RIMS2: variants seen among roughly 807,000 people sequenced by gnomAD.
The protein encoded by RIMS2 is regulating synaptic membrane exocytosis 2, also known as regulating synaptic membrane exocytosis protein 2.
Under a neutral mutation model 174.4 loss-of-function variants are expected in RIMS2, and 59 were observed. The observed-to-expected ratio is 0.34, with a 90% CI of 0.27 to 0.42. The LOEUF (loss-of-function observed/expected upper bound fraction) is 0.42, where lower values mean the gene tolerates loss of function less well. Among genes scored for constraint, RIMS2 ranks in the 10% least tolerant of loss-of-function variants. The pLI is 1.00. For missense variants in RIMS2, 1,620 were observed against 1,666.3 expected (o/e 0.97, Z 0.48); for synonymous variants, 606 against 572.5 (o/e 1.06, Z -0.84).
intron 2 of RIMS2, among the ~76,000 whole-genome samples, chr8:103,707,607 A>T (rs1200423918): frequency 2.0e-5 from 3 of 152,154 alleles, no homozygotes. Flanking sequence ...CCCCAAGTGA[A>T]AGGGGTCCCT....
chr8:103,915,621 A>G, intron 7 of RIMS2, 27 bp downstream of exon 10: 1 of 1,184,610 alleles, frequency 8.4e-7, no homozygotes, highest in South Asian at 1.4e-5. Context: ...GATTATTTAC[A>G]TTTAAACCAT....
intron 19 of RIMS2, among the ~76,000 whole-genome samples, chr8:104,044,904 C>T (rs777603643): frequency 9.9e-5 from 15 of 151,306 alleles, no homozygotes; most frequent in Admixed American, 6.6e-5. Flanking sequence ...ATAATACAGA[C>T]GATAAGAAAA....
intron 2 of RIMS2, among the ~76,000 whole-genome samples, chr8:103,741,193 A>G (rs1030793928): frequency 1.5e-4 from 23 of 152,078 alleles, no homozygotes; most frequent in Non-Finnish European, 5.9e-5. Flanking sequence ...GACAAAAGGG[A>G]CTGGTTTTCT....
intron 1 of RIMS2, among the ~76,000 whole-genome samples, chr8:103,678,949 ACAC>A (rs2096847167): frequency 6.6e-6 from 1 of 152,068 alleles, no homozygotes; most frequent in Non-Finnish European, 1.5e-5. Flanking sequence ...GGAAGACTCA[ACAC>A]TGTGAAGATG....
At chr8:103,739,082 A>T (rs2139250194) in intron 2 of RIMS2, among the ~76,000 whole-genome samples, 1 of 152,344 alleles carries the variant, frequency 6.6e-6, no homozygotes, top group East Asian at 1.9e-4. Context: ...ATGCACACGT[A>T]TGTTTATTGT....
intron 19 of RIMS2, among the ~76,000 whole-genome samples, chr8:104,070,495 C>A (rs1275507176): frequency 3.9e-5 from 6 of 152,076 alleles, no homozygotes; most frequent in African/African-American, 1.4e-4. Context: ...TAGAACATTC[C>A]TAACTATTTG....
intron 2 of RIMS2, among the ~76,000 whole-genome samples, chr8:103,761,455 G>A (rs1011709444): frequency 1.3e-5 from 2 of 152,214 alleles, no homozygotes; most frequent in African/African-American, 4.8e-5. Flanking sequence ...GATCAGCTGA[G>A]TGCTCTCCTC....
intron 2 of RIMS2, among the ~76,000 whole-genome samples, chr8:103,704,708 G>A (rs1026673296): frequency 6.6e-6 from 1 of 152,026 alleles, no homozygotes; most frequent in Admixed American, 6.6e-5. Context: ...TAGGTTGTAT[G>A]TGTCTAGAAA....
intron 1 of RIMS2, among the ~76,000 whole-genome samples, chr8:103,627,571 T>C (rs1018409491): frequency 6.6e-6 from 1 of 152,218 alleles, no homozygotes; most frequent in East Asian, 1.9e-4. Context: ...CATAAGAAAT[T>C]ATAAAAGTAT....
At chr8:104,060,811 C>A (rs1190998550) in intron 19 of RIMS2, among the ~76,000 whole-genome samples, 1 of 152,032 alleles carries the variant, frequency 6.6e-6, no homozygotes, top group Non-Finnish European at 1.5e-5. Context: ...TTATTTCTGC[C>A]TTCATTTAGT....
intron 1 of RIMS2, among the ~76,000 whole-genome samples, chr8:103,683,600 A>G (rs868630157): frequency 6.6e-6 from 1 of 152,004 alleles, no homozygotes; most frequent in Non-Finnish European, 1.5e-5. Flanking sequence ...TGCTCTTTCT[A>G]TTTTTTCTGT....
chr8:103,798,947 A>T (rs543748058), intron 3 of RIMS2, among the ~76,000 whole-genome samples: 29 of 149,354 alleles, frequency 1.9e-4, no homozygotes, highest in Admixed American at 6.7e-4. Flanking sequence ...CGTCAATGAG[A>T]TGAGATAGAA....
rs779529932 is a variant in RIMS2 at position 104,224,764 on chromosome 8, TA to T, written c.3335-20151del. 2.0e-4 allele frequency among the ~76,000 whole-genome samples: 30 copies of T among 152,286 alleles called. 1 individual carries two copies. The highest frequency in any genetic ancestry group is 1.7e-3 in the East Asian group (9 of 5,182). On this transcript the variant is annotated intron_variant, in intron 19 of 23. Coordinates refer to ENST00000504942, the Ensembl canonical transcript of RIMS2. Reference sequence around the variant, plus strand: ...TGCCCGTTCTAAAAACAGATTGAAATATTTTTTTTCTGCTTTTTTTCCTGAT... The same window carrying T: ...TGCCCGTTCTAAAAACAGATTGAAATTTTTTTTTCTGCTTTTTTTCCTGAT...
intron 19 of RIMS2, among the ~76,000 whole-genome samples, chr8:104,179,036 C>A (rs2098923787): frequency 6.6e-6 from 1 of 152,066 alleles, no homozygotes; most frequent in African/African-American, 2.4e-5. Flanking sequence ...AGATAATGAG[C>A]AATTCCTAGA....
At chr8:103,585,002 A>G (rs2093828211) in intron 1 of RIMS2, among the ~76,000 whole-genome samples, 1 of 152,240 alleles carries the variant, frequency 6.6e-6, no homozygotes, top group Admixed American at 6.5e-5. Context: ...CTTTACTTAT[A>G]AAGACACACA....
At chr8:103,985,001 T>C (rs552289438) in intron 16 of RIMS2, among the ~76,000 whole-genome samples, 1 of 152,116 alleles carries the variant, frequency 6.6e-6, no homozygotes, top group East Asian at 1.9e-4. Flanking sequence ...ATTTAACATA[T>C]GGAGATGGAG....
intron 19 of RIMS2, among the ~76,000 whole-genome samples, chr8:104,138,601 G>C (rs763679161): frequency 6.6e-6 from 1 of 151,946 alleles, no homozygotes; most frequent in Admixed American, 6.6e-5. Context: ...TAGATCTTTC[G>C]CCCATTTAAA....
At chr8:103,689,507 A>G (rs1209328351) in intron 1 of RIMS2, among the ~76,000 whole-genome samples, 1 of 152,146 alleles carries the variant, frequency 6.6e-6, no homozygotes, top group Non-Finnish European at 1.5e-5. Context: ...TTTAGCTCTA[A>G]TAATATTTAC....
chr8:104,155,135 C>T (rs1435833094), intron 19 of RIMS2, among the ~76,000 whole-genome samples: 1 of 151,920 alleles, frequency 6.6e-6, no homozygotes, highest in East Asian at 1.9e-4. Flanking sequence ...GAGATGGAGT[C>T]TCGCTCTGTC....
Sources: gnomAD v4.1 joint callset for allele counts (sites outside exome capture counted in the v4.1 genomes callset) on GRCh38, gnomAD v4.1.1 for gene constraint, MANE v1.5 for transcripts, NCBI Gene and HGNC (gene_info 2026-07-23, HGNC 2026-07-21) for gene names.